Variants in PRKG2 observed in about 807,000 individuals in gnomAD.
The protein encoded by PRKG2 is protein kinase cGMP-dependent 2, also known as cGMP-dependent protein kinase 2.
In PRKG2, 33 loss-of-function variants were observed where a neutral mutation model predicts 97.2. The ratio of observed to expected loss-of-function variants is 0.34; its 90% CI spans 0.26 to 0.45. The LOEUF (loss-of-function observed/expected upper bound fraction) is 0.45. Ranked by LOEUF, PRKG2 falls within the 20% of genes least tolerant of loss-of-function variation. The pLI, the probability that PRKG2 is intolerant of heterozygous loss-of-function variation, is 1.00. For missense variants in PRKG2, 638 were observed against 900.0 expected (o/e 0.71, Z 3.73); for synonymous variants, 330 against 321.8 (o/e 1.03, Z -0.27).
At chr4:81,205,193 C>T in intron 1 of PRKG2, 133 bp from the exon 2 acceptor site, 1 of 587,468 alleles carries the variant, frequency 1.7e-6, no homozygotes, top group Non-Finnish European at 2.8e-6. Flanking sequence ...CAATAAACTT[C>T]CCGAAGTTTC....
At chr4:81,190,158 T>G (rs943186578) in intron 2 of PRKG2, among the ~76,000 whole-genome samples, 1 of 152,134 alleles carries the variant, frequency 6.6e-6, no homozygotes, top group African/African-American at 2.4e-5. Flanking sequence ...GGAGGCATCA[T>G]GCTACCTGAC....
intron 14 of PRKG2, among the ~76,000 whole-genome samples, chr4:81,127,180 C>T (rs1057006479): frequency 3.3e-5 from 5 of 152,008 alleles, no homozygotes; most frequent in African/African-American, 7.2e-5. Flanking sequence ...TGGTTGTAGA[C>T]GTGTGGCATT....
At chr4:81,093,404 C>CACACACA (rs1161563404) in intron 17 of PRKG2, among the ~76,000 whole-genome samples, 1 of 144,916 alleles carries the variant, frequency 6.9e-6, no homozygotes, top group African/African-American at 2.7e-5. Context: ...CACACACACA[C>CACACACA]AAGCTTCTTA....
At chr4:81,141,427 G>A (rs28625925) in intron 11 of PRKG2, among the ~76,000 whole-genome samples, 14,371 of 152,012 alleles carry the variant, frequency 0.095, 2,278 homozygotes, top group African/African-American at 0.33. Context: ...ACTTTTCAAA[G>A]GCTCAACAGT....
At chr4:81,156,283 G>C (rs990905124) in intron 6 of PRKG2, among the ~76,000 whole-genome samples, 8 of 152,134 alleles carry the variant, frequency 5.3e-5, no homozygotes, top group South Asian at 2.1e-4. Flanking sequence ...TGCAATCCTA[G>C]TCTCTGATAA....
intron 9 of PRKG2, among the ~76,000 whole-genome samples, chr4:81,146,246 C>T (rs924726871): frequency 6.6e-6 from 1 of 152,172 alleles, no homozygotes; most frequent in Non-Finnish European, 1.5e-5. Context: ...GAGATGGGTG[C>T]TATAGGTCTC....
chr4:81,132,358 T>G (rs189970690), intron 14 of PRKG2, among the ~76,000 whole-genome samples: 1 of 152,190 alleles, frequency 6.6e-6, no homozygotes, highest in African/African-American at 2.4e-5. Context: ...CTTCTTCCTT[T>G]ATAATATTTA....
At chr4:81,168,695 G>C (rs1367607537) in intron 5 of PRKG2, among the ~76,000 whole-genome samples, 1 of 152,044 alleles carries the variant, frequency 6.6e-6, no homozygotes, top group Non-Finnish European at 1.5e-5. Context: ...CATTATTGCA[G>C]CTCTCTGCCA....
At chr4:81,205,154 G>T in intron 1 of PRKG2, 94 bp from the exon 2 acceptor site, 1 of 763,774 alleles carries the variant, frequency 1.3e-6, no homozygotes. Flanking sequence ...TCATAAATAG[G>T]AACACAGTAA....
intron 2 of PRKG2, among the ~76,000 whole-genome samples, chr4:81,178,009 A>C (rs1751085461): frequency 1.3e-5 from 2 of 149,246 alleles, no homozygotes; most frequent in Non-Finnish European, 1.5e-5. Context: ...AAGTGGGATG[A>C]TAGGATGCTT....
chr4:81,177,277 C>T (rs939334543), intron 2 of PRKG2, among the ~76,000 whole-genome samples: 6 of 152,132 alleles, frequency 3.9e-5, no homozygotes, highest in Admixed American at 2.6e-4. Context: ...AAACATGACC[C>T]ATGGCCTCAA....
intron 3 of PRKG2, among the ~76,000 whole-genome samples, chr4:81,173,208 T>C (rs1378852014): frequency 6.6e-6 from 1 of 152,182 alleles, no homozygotes; most frequent in African/African-American, 2.4e-5. Context: ...ATTAATTTGC[T>C]CAACCAGATA....
rs1354855808 is a variant in PRKG2, at chr4:81,089,349, C to G, written c.*359G>C. Reference sequence around the variant, plus strand: ...GACTTAGTTATTCAAGGGCAAGACCCTTTTTAAACGTTAGTAGTACTCAAA... The same window carrying G: ...GACTTAGTTATTCAAGGGCAAGACCGTTTTTAAACGTTAGTAGTACTCAAA... On this transcript the variant is annotated 3_prime_UTR_variant, in exon 19 of 19. Transcript: ENST00000264399. 6.1e-6 allele frequency: 1 copy of G among 163,318 alleles called. No homozygotes were observed. Among genetic ancestry groups the G allele is most frequent in the Non-Finnish European group, 1.3e-5 (1 of 75,714 alleles). The allele number at this position is 163,318 out of a possible 1,614,324, so 10.1% of individuals were successfully genotyped here. A position where few individuals can be genotyped will look rare whatever the true frequency, so the allele number is the denominator to read the frequency against.
chr4:81,116,633 C>G (rs1008798975), intron 14 of PRKG2, among the ~76,000 whole-genome samples: 4 of 152,110 alleles, frequency 2.6e-5, no homozygotes, highest in African/African-American at 9.7e-5. Context: ...TTTACAATCC[C>G]CTCAGCAGTG....
At chr4:81,211,605 TA>T (rs1753975812) in intron 1 of PRKG2, among the ~76,000 whole-genome samples, 1 of 151,846 alleles carries the variant, frequency 6.6e-6, no homozygotes, top group Non-Finnish European at 1.5e-5. Context: ...AGGAATGGAG[TA>T]AAAAGAGCTT....
chr4:81,199,322 T>A (rs1753153233), intron 2 of PRKG2, among the ~76,000 whole-genome samples: 1 of 152,188 alleles, frequency 6.6e-6, no homozygotes, highest in Non-Finnish European at 1.5e-5. Context: ...GAGATTTTTC[T>A]AATCATTGCA....
chr4:81,197,846 T>C (rs570146935), intron 2 of PRKG2, among the ~76,000 whole-genome samples: 22 of 152,346 alleles, frequency 1.4e-4, no homozygotes, highest in Non-Finnish European at 2.6e-4. Flanking sequence ...AAGAAAATAT[T>C]AAAGAATTGG....
At chr4:81,215,357 C>A (rs1188425096), upstream of PRKG2, among the ~76,000 whole-genome samples, 1 of 152,214 alleles carries the variant, frequency 6.6e-6, no homozygotes, top group Non-Finnish European at 1.5e-5. Flanking sequence ...CACACTAGCC[C>A]GAACCTTTAC....
intron 14 of PRKG2, among the ~76,000 whole-genome samples, chr4:81,119,047 T>C (rs376223234): frequency 2.6e-5 from 4 of 152,316 alleles, no homozygotes; most frequent in African/African-American, 9.6e-5. Context: ...TCCACCTAAC[T>C]TGGCTTCTCA....
Sources: allele counts gnomAD v4.1 joint callset (sites outside exome capture counted in the v4.1 genomes callset), GRCh38; gene constraint gnomAD v4.1.1; transcripts MANE v1.5; gene names NCBI Gene and HGNC (gene_info 2026-07-23, HGNC 2026-07-21).